Variants in ADAMTS18 observed in about 807,000 individuals in gnomAD.
ADAMTS18 encodes ADAM metallopeptidase with thrombospondin type 1 motif 18.
In ADAMTS18, 157 loss-of-function variants were observed where a neutral mutation model predicts 165.9. That is an observed-to-expected ratio of 0.95 (90% CI 0.83 to 1.08). The LOEUF is 1.08. Ranked by LOEUF, ADAMTS18 falls within the 50% of genes least tolerant of loss-of-function variation. The pLI, the probability that ADAMTS18 is intolerant of heterozygous loss-of-function variation, is 0.00. For missense variants in ADAMTS18, 2,040 were observed against 1,534.0 expected (o/e 1.33, Z -5.51); for synonymous variants, 782 against 578.2 (o/e 1.35, Z -5.06).
At chr16:77,321,803 G>A (rs2056003601) in intron 14 of ADAMTS18, among the ~76,000 whole-genome samples, 1 of 152,142 alleles carries the variant, frequency 6.6e-6, no homozygotes, top group African/African-American at 2.4e-5. Flanking sequence ...TGCAAGTAGA[G>A]TAAAAAATAA....
At chr16:77,400,476 GTGTGTTT>G (rs1470960622) in intron 3 of ADAMTS18, among the ~76,000 whole-genome samples, 23 of 120,340 alleles carry the variant, frequency 1.9e-4, no homozygotes, top group Middle Eastern at 4.1e-3. Flanking sequence ...GTGTGTGTGT[GTGTGTTT>G]TGTTTTTTTT....
chr16:77,304,029 C>CA (rs1167598374), intron 16 of ADAMTS18, among the ~76,000 whole-genome samples: 1 of 152,018 alleles, frequency 6.6e-6, no homozygotes, highest in Non-Finnish European at 1.5e-5. Flanking sequence ...CACTCCATCT[C>CA]AAAAAATCAA....
At chr16:77,379,335 A>T (rs1002676916) in intron 3 of ADAMTS18, among the ~76,000 whole-genome samples, 11 of 151,682 alleles carry the variant, frequency 7.3e-5, no homozygotes, top group Non-Finnish European at 1.3e-4. Context: ...GGCTAGCATC[A>T]TGGGGAGAAG....
At chr16:77,328,526 T>C (rs1025621960) in intron 12 of ADAMTS18, among the ~76,000 whole-genome samples, 3 of 152,160 alleles carry the variant, frequency 2.0e-5, no homozygotes, top group East Asian at 1.9e-4. Flanking sequence ...GAGATTTTTA[T>C]GCTATTTTAA....
At chr16:77,401,559 T>A (rs144178672) in intron 3 of ADAMTS18, among the ~76,000 whole-genome samples, 6 of 152,182 alleles carry the variant, frequency 3.9e-5, no homozygotes, top group African/African-American at 1.4e-4. Flanking sequence ...ATGCTCTCCA[T>A]CTCTACACTA....
At chr16:77,300,486 G>A in intron 16 of ADAMTS18, 82 bp from the exon 17 acceptor site, 1 of 1,491,084 alleles carries the variant, frequency 6.7e-7, no homozygotes, top group East Asian at 2.3e-5. Flanking sequence ...ACATTTTAAA[G>A]ATATTTACAT....
chr16:77,418,706 C>T (rs892065976), intron 3 of ADAMTS18, among the ~76,000 whole-genome samples: 1 of 152,164 alleles, frequency 6.6e-6, no homozygotes, highest in African/African-American at 2.4e-5. Flanking sequence ...TACTGTCTTA[C>T]AAGTCATTGA....
chr16:77,296,210 C>T (rs1349187014), intron 18 of ADAMTS18, among the ~76,000 whole-genome samples: 2 of 152,128 alleles, frequency 1.3e-5, no homozygotes, highest in Non-Finnish European at 2.9e-5. Flanking sequence ...ATGAAAGAGA[C>T]TCCCTTTAAC....
chr16:77,425,869 C>G (rs1487538248), intron 3 of ADAMTS18, among the ~76,000 whole-genome samples: 1 of 151,922 alleles, frequency 6.6e-6, no homozygotes, highest in Non-Finnish European at 1.5e-5. Context: ...ATGATGAAAC[C>G]CCATCTCTAC....
intron 4 of ADAMTS18, 108 bp from the exon 5 acceptor site, chr16:77,364,489 A>T (rs2562119): frequency 0.86 from 1,027,564 of 1,198,476 alleles, 441,714 homozygotes; most frequent in African/African-American, 0.96. Context: ...TAACCAACAC[A>T]CCACCAATCC....
At chr16:77,301,836 A>T (rs956456492) in intron 16 of ADAMTS18, among the ~76,000 whole-genome samples, 3 of 152,174 alleles carry the variant, frequency 2.0e-5, no homozygotes, top group African/African-American at 7.2e-5. Flanking sequence ...GAAATAATCA[A>T]ATGTTAATAG....
chr16:77,413,629 G>A (rs1758135035), intron 3 of ADAMTS18, among the ~76,000 whole-genome samples: 1 of 152,022 alleles, frequency 6.6e-6, no homozygotes, highest in Non-Finnish European at 1.5e-5. Flanking sequence ...TTAATTTCCT[G>A]ACCATGGATA....
chr16:77,374,049 T>G (rs1482398880), intron 3 of ADAMTS18, among the ~76,000 whole-genome samples: 1 of 151,930 alleles, frequency 6.6e-6, no homozygotes, highest in East Asian at 1.9e-4. Context: ...TGAAACCTCA[T>G]CTCTACTAAA....
At position 77,379,992 on chromosome 16, in the gene ADAMTS18, C is replaced by G. The variant is rs116877064; in HGVS notation, c.496-12269G>C. Among the ~76,000 whole-genome samples the G allele has an allele frequency of 6.2e-3, 950 of 152,308 alleles. 3 individuals are homozygous for G. The highest frequency in any genetic ancestry group is 0.01 in the Middle Eastern group (3 of 294). On this transcript the variant is annotated intron_variant, in intron 3 of 22. Coordinates refer to ENST00000282849, the MANE Select transcript of ADAMTS18 (RefSeq NM_199355.4). Reference sequence around the variant, plus strand: ...GTCTATGCACTCTCAGTCTCTGTGACTTTCTGAGTCATGCTGATAACGGTA... The same window carrying G: ...GTCTATGCACTCTCAGTCTCTGTGAGTTTCTGAGTCATGCTGATAACGGTA...
chr16:77,383,168 T>C (rs770584839), intron 3 of ADAMTS18, among the ~76,000 whole-genome samples: 2 of 152,162 alleles, frequency 1.3e-5, no homozygotes, highest in Non-Finnish European at 2.9e-5. Flanking sequence ...AGCAGTGGTC[T>C]CCTATCTCCT....
At chr16:77,313,633 ATTTGCAC>A (rs1484091866) in intron 16 of ADAMTS18, among the ~76,000 whole-genome samples, 1 of 152,098 alleles carries the variant, frequency 6.6e-6, no homozygotes, top group Non-Finnish European at 1.5e-5. Context: ...ATCAGGAGTG[ATTTGCAC>A]TTTGCTCTGA....
Position 77,364,297 on chromosome 16 carries a change from T to C in ADAMTS18, c.863A>G (p.Lys288Arg). Residue 288 changes from lysine (K) to arginine (R), a missense_variant, in exon 5 of 23, where the codon AAA (lysine) becomes AGA (arginine). Coordinates refer to ENST00000282849, the MANE Select transcript of ADAMTS18 (RefSeq NM_199355.4). ...TTCCACATTGAGGCCCTTTTGTGAT[T>C]TTCCAGCTGATCTTCTGGGTCGCCC... is the stretch of plus-strand genomic sequence containing the variant. ...SSGRPRRSAGKSQKGLNVETL... is the reference protein window; with the variant it reads ...SSGRPRRSAGRSQKGLNVETL... 6.2e-7 allele frequency: 1 copy of C among 1,614,050 alleles called. No individual in the cohort carries two copies. Among genetic ancestry groups the C allele is most frequent in the East Asian group, 2.2e-5 (1 of 44,872 alleles).
At chr16:77,427,414 C>T (rs1406523612) in intron 3 of ADAMTS18, among the ~76,000 whole-genome samples, 2 of 152,128 alleles carry the variant, frequency 1.3e-5, no homozygotes, top group Non-Finnish European at 2.9e-5. Context: ...GAAGAGTCTC[C>T]ACCAATGTCA....
At position 77,353,743 on chromosome 16, in the gene ADAMTS18, C is replaced by T. The variant is rs2056588255; in HGVS notation, c.1604G>A (p.Gly535Asp). ...FGAKAKLCSLGFVKDICKSLW... is the reference protein window; with the variant it reads ...FGAKAKLCSLDFVKDICKSLW... ...CACAAGCAAACATACCTTCACAAAA[C>T]CAAGGCTGCATAACTTGGCTTTTGC... Residue 535 changes from glycine to aspartate, a missense_variant, in exon 10 of 23, where the codon GGT (glycine) becomes GAT (aspartate). Coordinates refer to ENST00000282849, the MANE Select transcript of ADAMTS18 (RefSeq NM_199355.4). The T allele has an allele frequency of 1.9e-6, 3 of 1,614,066 alleles. No homozygotes were observed. The highest frequency in any genetic ancestry group is 1.3e-5 in the African/African-American group (1 of 74,934).
Sources: gnomAD v4.1 joint callset for allele counts (sites outside exome capture counted in the v4.1 genomes callset) on GRCh38, gnomAD v4.1.1 for gene constraint, MANE v1.5 for transcripts, NCBI Gene and HGNC (gene_info 2026-07-23, HGNC 2026-07-21) for gene names.